The following SFTPD variants were observed in gnomAD, a reference collection of about 807,000 sequenced individuals.
The protein encoded by SFTPD is pulmonary surfactant-associated protein D.
SFTPD carries 18 observed loss-of-function variants against 34.6 expected under a neutral mutation model. That is an observed-to-expected ratio of 0.52 (90% CI 0.36 to 0.77). The LOEUF (loss-of-function observed/expected upper bound fraction) is 0.77, where lower values mean the gene tolerates loss of function less well. Among genes scored for constraint, SFTPD ranks in the 30% least tolerant of loss-of-function variants. The pLI, the probability that SFTPD is intolerant of heterozygous loss-of-function variation, is 0.00. For synonymous variants in SFTPD, 155 were observed against 180.9 expected (o/e 0.86, Z 1.15); for missense variants, 433 against 468.9 (o/e 0.92, Z 0.71).
upstream of SFTPD, among the ~76,000 whole-genome samples, chr10:79,951,612 C>A (rs1199258167): frequency 6.6e-6 from 1 of 152,234 alleles, no homozygotes; most frequent in Admixed American, 6.5e-5. Flanking sequence ...AAGTTTATCT[C>A]ATTCCCCAGC....
In SFTPD at chr10:79,979,534, T is replaced by C. The variant is rs190182170; in HGVS notation, c.36+3041A>G. Among the ~76,000 whole-genome samples the C allele has an allele frequency of 3.0e-3, 460 of 152,286 alleles. 6 individuals are homozygous for C. Among genetic ancestry groups the C allele is most frequent in the Non-Finnish European group, 3.6e-3 (242 of 68,020 alleles). On this transcript the variant is annotated intron_variant, in intron 1 of 5. Coordinates refer to the SFTPD transcript ENST00000444384. ...AGCAAAGTGATTATGGAACTTTGCA[T>C]TGGAATGCTGTCACAGCAGAAAGCA...
chr10:79,975,747 A>G (rs1485349844), intron 1 of SFTPD, among the ~76,000 whole-genome samples: 4 of 152,222 alleles, frequency 2.6e-5, no homozygotes, highest in African/African-American at 7.2e-5. Context: ...GCCAGTCATT[A>G]GCATTGTTTG....
intron 1 of SFTPD, among the ~76,000 whole-genome samples, chr10:79,965,384 A>C (rs1051944536): frequency 6.6e-6 from 1 of 151,778 alleles, no homozygotes; most frequent in Non-Finnish European, 1.5e-5. Flanking sequence ...CCTTACCACA[A>C]AATCTTCCTT....
intron 7 of SFTPD, among the ~76,000 whole-genome samples, chr10:79,938,760 G>A (rs1315325008): frequency 6.6e-6 from 1 of 152,128 alleles, no homozygotes; most frequent in African/African-American, 2.4e-5. Context: ...GGTGATGAAA[G>A]GGGAGAGACA....
upstream of SFTPD, chr10:79,950,681 T>A (rs1424842722): frequency 6.6e-6 from 1 of 152,256 alleles, no homozygotes; most frequent in East Asian, 1.9e-4. Flanking sequence ...TTGTAAAGCA[T>A]CTTCCAGGTG....
intron 1 of SFTPD, among the ~76,000 whole-genome samples, chr10:79,962,363 T>C (rs931516284): frequency 1.3e-5 from 2 of 152,144 alleles, no homozygotes; most frequent in African/African-American, 4.8e-5. Context: ...TTGGTGATCA[T>C]GTCTTTATTA....
upstream of SFTPD, among the ~76,000 whole-genome samples, chr10:79,952,082 T>C (rs1440392363): frequency 6.6e-6 from 1 of 152,162 alleles, no homozygotes; most frequent in African/African-American, 2.4e-5. Context: ...GTGATGGAGG[T>C]CTGCAGAAAA....
chr10:79,976,971 C>G (rs1842867064), intron 1 of SFTPD, among the ~76,000 whole-genome samples: 1 of 152,184 alleles, frequency 6.6e-6, no homozygotes. Flanking sequence ...TCCTCATTTT[C>G]TCTTGATGGC....
At chr10:79,942,151 C>T in intron 4 of SFTPD, 81 bp from the exon 5 acceptor site, 1 of 1,040,606 alleles carries the variant, frequency 9.6e-7, no homozygotes, top group South Asian at 1.4e-5. Context: ...GAGCTTTTTG[C>T]CCGCAACTTT....
At chr10:79,964,798 C>G (rs1005926051) in intron 1 of SFTPD, among the ~76,000 whole-genome samples, 1 of 152,172 alleles carries the variant, frequency 6.6e-6, no homozygotes, top group Non-Finnish European at 1.5e-5. Context: ...ATTGACTTTA[C>G]TCACATGCCT....
intron 6 of SFTPD, among the ~76,000 whole-genome samples, 171 bp from the exon 7 acceptor site, chr10:79,940,959 T>C (rs1451236669): frequency 2.0e-5 from 3 of 151,454 alleles, no homozygotes; most frequent in East Asian, 3.9e-4. Context: ...GGATGTCTTA[T>C]GGTTCTGCTA....
chr10:79,963,071 AGTGGTTCACATCT>A (rs1306624760), intron 1 of SFTPD, among the ~76,000 whole-genome samples: 1 of 152,154 alleles, frequency 6.6e-6, no homozygotes, highest in Non-Finnish European at 1.5e-5. Flanking sequence ...AGCTGGGCAC[AGTGGTTCACATCT>A]GTAATCCTAG....
chr10:79,944,869 A>G (rs986208223), intron 2 of SFTPD, among the ~76,000 whole-genome samples: 2 of 151,880 alleles, frequency 1.3e-5, no homozygotes, highest in East Asian at 1.9e-4. Flanking sequence ...TCAAGCCCCA[A>G]TTTTCCTCGT....
At chr10:79,964,299 G>C (rs1842791310) in intron 1 of SFTPD, among the ~76,000 whole-genome samples, 1 of 152,064 alleles carries the variant, frequency 6.6e-6, no homozygotes, top group African/African-American at 2.4e-5. Flanking sequence ...TCTTCTAAAG[G>C]TCGCTTTACT....
chr10:79,981,236 G>T (rs764770480), intron 1 of SFTPD, among the ~76,000 whole-genome samples: 2 of 151,924 alleles, frequency 1.3e-5, no homozygotes, highest in Admixed American at 6.6e-5. Flanking sequence ...CCAAGCAGAA[G>T]AAAGAATTAG....
upstream of SFTPD, among the ~76,000 whole-genome samples, chr10:79,951,947 AAGG>A (rs1430995803): frequency 9.2e-5 from 14 of 152,316 alleles, no homozygotes; most frequent in African/African-American, 3.4e-4. Context: ...CCAGAGTGGG[AAGG>A]AGTATACCAG....
upstream of SFTPD, among the ~76,000 whole-genome samples, chr10:79,953,308 G>A (rs76810820): frequency 0.049 from 7,455 of 152,190 alleles, 245 homozygotes; most frequent in East Asian, 0.15. Context: ...TTCTTGCAAG[G>A]TGGACCTAGT....
At chr10:79,955,097 C>T (rs1208991951) in intron 1 of SFTPD, among the ~76,000 whole-genome samples, 1 of 152,152 alleles carries the variant, frequency 6.6e-6, no homozygotes, top group Non-Finnish European at 1.5e-5. Flanking sequence ...TAGCAGTGGT[C>T]CCCTGGTGCC....
chr10:79,981,307 T>G (rs897828663), intron 1 of SFTPD, among the ~76,000 whole-genome samples: 81 of 152,142 alleles, frequency 5.3e-4, no homozygotes, highest in African/African-American at 2.0e-3. Flanking sequence ...AAGAAAATAA[T>G]GAAATTTATA....
Sources: gnomAD v4.1 joint callset for allele counts (sites outside exome capture counted in the v4.1 genomes callset) on GRCh38, gnomAD v4.1.1 for gene constraint, MANE v1.5 for transcripts, NCBI Gene and HGNC (gene_info 2026-07-23, HGNC 2026-07-21) for gene names.